The following KLHL18 variants were observed in gnomAD, a reference collection of about 807,000 sequenced individuals.
KLHL18 encodes kelch-like protein 18.
In KLHL18, 38 loss-of-function variants were observed where a neutral mutation model predicts 58.5. That is an observed-to-expected ratio of 0.65 (90% CI 0.50 to 0.85). The LOEUF (loss-of-function observed/expected upper bound fraction) is 0.85. Ranked by LOEUF, KLHL18 falls within the 40% of genes least tolerant of loss-of-function variation. KLHL18 has a pLI of 0.00. For missense variants in KLHL18, 624 were observed against 778.4 expected, an observed-to-expected ratio of 0.80 and a Z score of 2.36; for synonymous variants, 303 against 301.9, an observed-to-expected ratio of 1.00 and a Z score of -0.04.
Position 47,343,546 on chromosome 3 carries a change from C to G in KLHL18, c.1339-9C>G, listed in dbSNP as rs1453450748. On this transcript the variant is annotated splice_polypyrimidine_tract_variant and intron_variant, in intron 9 of 9. Coordinates refer to ENST00000232766, the MANE Select transcript of KLHL18 (RefSeq NM_025010.5). ...CTGTCCTGTACCTGTGCCTCTCTCC[C>G]CACTGCAGGTGGAACACTACAACCA... 5 of 1,612,880 alleles carry G rather than the reference C, an allele frequency of 3.1e-6. No homozygotes were observed. The highest frequency in any genetic ancestry group is 4.2e-6 in the Non-Finnish European group (5 of 1,180,004).
At chr3:47,285,030 C>T (rs1702645277) in intron 1 of KLHL18, among the ~76,000 whole-genome samples, 1 of 152,118 alleles carries the variant, frequency 6.6e-6, no homozygotes, top group African/African-American at 2.4e-5. Context: ...ACTACGTTAG[C>T]CAGACTGCTC....
intron 1 of KLHL18, among the ~76,000 whole-genome samples, chr3:47,283,869 T>C (rs1702566592): frequency 1.3e-5 from 2 of 152,132 alleles, no homozygotes; most frequent in African/African-American, 2.4e-5. Context: ...AGACGTCCGG[T>C]TGGGGAGATG....
chr3:47,303,635 C>T (rs1343854073), intron 1 of KLHL18, among the ~76,000 whole-genome samples: 1 of 152,214 alleles, frequency 6.6e-6, no homozygotes, highest in Non-Finnish European at 1.5e-5. Flanking sequence ...GTCACCTAGG[C>T]TGGCTTCAAA....
At chr3:47,333,392 T>G in intron 5 of KLHL18, 75 bp downstream of exon 5, 2 of 1,417,926 alleles carry the variant, frequency 1.4e-6, no homozygotes, top group Non-Finnish European at 1.9e-6. Context: ...CCTGTTCCAG[T>G]TCTGGAAAGA....
intron 1 of KLHL18, among the ~76,000 whole-genome samples, chr3:47,299,677 A>G (rs1474935149): frequency 6.6e-6 from 1 of 151,854 alleles, no homozygotes; most frequent in Non-Finnish European, 1.5e-5. Flanking sequence ...AAATAGAAAA[A>G]TTAGCCAGAT....
At chr3:47,316,476 TATATATA>T (rs2107620687) in intron 1 of KLHL18, among the ~76,000 whole-genome samples, 1 of 68,970 alleles carries the variant, frequency 1.4e-5, no homozygotes, top group South Asian at 6.5e-4. Context: ...TATATATGTA[TATATATA>T]CATATATACA....
Position 47,340,605 on chromosome 3 carries a change from C to T in KLHL18, c.1155C>T (p.Ile385=). 2.5e-6 allele frequency: 4 copies of T among 1,613,996 alleles called. No homozygotes were observed. Among genetic ancestry groups the T allele is most frequent in the Non-Finnish European group, 3.4e-6 (4 of 1,179,972 alleles). ...AMGTVVLDGQ[I]YVCGGYDGNS... is the part of the protein sequence containing the mutation. ...GGACAGTCGTGCTGGATGGGCAGAT[C>T]TACGTCTGTGGGGGCTACGATGGCA... Residue 385 remains isoleucine (I), a synonymous_variant, in exon 8 of 10, where the codon ATC becomes ATT. Transcript: ENST00000232766.
At chr3:47,325,956 A>T (rs1421158621) in intron 3 of KLHL18, among the ~76,000 whole-genome samples, 1 of 150,212 alleles carries the variant, frequency 6.7e-6, no homozygotes, top group Non-Finnish European at 1.5e-5. Context: ...TTATTTATTT[A>T]TTTATTTTTG....
At chr3:47,293,607 T>G (rs1339513707) in intron 1 of KLHL18, among the ~76,000 whole-genome samples, 1 of 152,228 alleles carries the variant, frequency 6.6e-6, no homozygotes, top group African/African-American at 2.4e-5. Context: ...TTTTCTTGGG[T>G]TGGTTTGTAA....
intron 3 of KLHL18, among the ~76,000 whole-genome samples, chr3:47,325,530 C>T (rs190845350): frequency 1.1e-3 from 175 of 152,194 alleles, no homozygotes; most frequent in African/African-American, 3.8e-3. Context: ...TGATTGCCAG[C>T]GACTTGAGGA....
chr3:47,302,892 T>A (rs1263818792), intron 1 of KLHL18, among the ~76,000 whole-genome samples: 1 of 152,220 alleles, frequency 6.6e-6, no homozygotes, highest in Non-Finnish European at 1.5e-5. Flanking sequence ...TGTCAATTTG[T>A]TTTCTGGCAC....
chr3:47,320,923 AAG>A lies in KLHL18; in HGVS notation c.260+1142_260+1143del, dbSNP rs532016665. ...GTGAGACCTTGACTCTTGAAAAAGAAAGAAAGAAATCTTAGGCCAGTTACTTA... is the reference window on the plus strand; with the variant it reads ...GTGAGACCTTGACTCTTGAAAAAGAAAAAGAAATCTTAGGCCAGTTACTTA... On this transcript the variant is annotated intron_variant, in intron 2 of 9. Transcript: ENST00000232766. Among the ~76,000 whole-genome samples, 52 of 152,250 alleles carry A rather than the reference AAG, an allele frequency of 3.4e-4. 1 individual carries two copies. The East Asian group carries it at 9.6e-3, about 28-fold the overall frequency.
At chr3:47,292,952 G>A (rs942437825) in intron 1 of KLHL18, among the ~76,000 whole-genome samples, 2 of 150,048 alleles carry the variant, frequency 1.3e-5, no homozygotes, top group Admixed American at 1.3e-4. Context: ...ATATTACTCA[G>A]CCTTTAAAAA....
intron 1 of KLHL18, among the ~76,000 whole-genome samples, chr3:47,286,241 T>A (rs958464565): frequency 6.6e-6 from 1 of 152,206 alleles, no homozygotes; most frequent in African/African-American, 2.4e-5. Context: ...CTTCACTGAT[T>A]TTGAAAACTT....
intron 1 of KLHL18, among the ~76,000 whole-genome samples, chr3:47,309,932 A>T (rs569686752): frequency 7.4e-6 from 1 of 135,364 alleles, no homozygotes; most frequent in African/African-American, 2.7e-5. Flanking sequence ...GTGAGCAGAG[A>T]TGGCGGAGTA....
intron 1 of KLHL18, among the ~76,000 whole-genome samples, 174 bp from the exon 2 acceptor site, chr3:47,319,479 C>T (rs1216630133): frequency 2.0e-5 from 3 of 152,162 alleles, no homozygotes; most frequent in Admixed American, 6.5e-5. Context: ...TAAAATACTT[C>T]AGGGTCATCA....
At chr3:47,335,560 T>G (rs1336352776) in intron 6 of KLHL18, among the ~76,000 whole-genome samples, 1 of 152,154 alleles carries the variant, frequency 6.6e-6, no homozygotes, top group African/African-American at 2.4e-5. Flanking sequence ...CAGGCTGGAG[T>G]GCAGTGGCGC....
At chr3:47,302,193 T>TAA (rs922157989) in intron 1 of KLHL18, among the ~76,000 whole-genome samples, 1 of 152,192 alleles carries the variant, frequency 6.6e-6, no homozygotes, top group East Asian at 1.9e-4. Flanking sequence ...AAATGTTGTT[T>TAA]AAAAACTCAA....
intron 1 of KLHL18, among the ~76,000 whole-genome samples, chr3:47,311,269 G>T (rs1703293206): frequency 6.6e-6 from 1 of 152,018 alleles, no homozygotes; most frequent in Non-Finnish European, 1.5e-5. Context: ...GTAACATGTA[G>T]AATTCTTGAG....
Sources: gnomAD v4.1 joint callset for allele counts (sites outside exome capture counted in the v4.1 genomes callset) on GRCh38, gnomAD v4.1.1 for gene constraint, MANE v1.5 for transcripts, NCBI Gene and HGNC (gene_info 2026-07-23, HGNC 2026-07-21) for gene names.